The following GNG7 variants were observed in gnomAD, a reference collection of about 807,000 sequenced individuals.
The protein encoded by GNG7 is guanine nucleotide-binding protein G(I)/G(S)/G(O) subunit gamma-7.
Under a neutral mutation model 4.0 loss-of-function variants are expected in GNG7, and 1 was observed. The ratio of observed to expected loss-of-function variants is 0.25; its 90% CI spans 0.09 to 1.18. GNG7 has a LOEUF of 1.18. GNG7 is among the 50% of genes most tolerant of loss of function. GNG7 has a pLI of 0.50. For missense variants in GNG7, 86 were observed against 91.9 expected (o/e 0.94, Z 0.26); for synonymous variants, 34 against 36.9 (o/e 0.92, Z 0.29).
intron 2 of GNG7, among the ~76,000 whole-genome samples, chr19:2,607,802 A>C (rs1351183233): frequency 6.6e-6 from 1 of 151,976 alleles, no homozygotes; most frequent in African/African-American, 2.4e-5. Context: ...CATCGTGGGC[A>C]CTGGGAAGTA....
intron 1 of GNG7, among the ~76,000 whole-genome samples, chr19:2,688,931 G>C (rs1913068134): frequency 6.6e-6 from 1 of 151,952 alleles, no homozygotes; most frequent in African/African-American, 2.4e-5. Flanking sequence ...CAGGCACGGG[G>C]TTGCGTGCCT....
intron 2 of GNG7, chr19:2,630,865 A>G (rs2144842114): frequency 6.6e-6 from 1 of 152,086 alleles, no homozygotes; most frequent in East Asian, 2.0e-4. Flanking sequence ...ACGCAGCCAT[A>G]GCTAGCTAAT....
At chr19:2,517,324 C>T (rs1039919665) in intron 4 of GNG7, among the ~76,000 whole-genome samples, 7 of 151,952 alleles carry the variant, frequency 4.6e-5, no homozygotes, top group Non-Finnish European at 7.4e-5. Context: ...GCTGGGACTA[C>T]GGGAGTGAGC....
chr19:2,604,523 G>T (rs1215319737), intron 2 of GNG7, among the ~76,000 whole-genome samples: 9 of 145,972 alleles, frequency 6.2e-5, no homozygotes, highest in African/African-American at 2.3e-4. Flanking sequence ...GAGGGAGGGA[G>T]GGAGGGAGGG....
At chr19:2,655,856 A>AT in intron 1 of GNG7, among the ~76,000 whole-genome samples, 1 of 143,956 alleles carries the variant, frequency 6.9e-6, no homozygotes, top group African/African-American at 2.6e-5. Flanking sequence ...AAAAAAAAAA[A>AT]AAAATACATA....
At chr19:2,658,089 G>A (rs932661959) in intron 1 of GNG7, among the ~76,000 whole-genome samples, 32 of 152,042 alleles carry the variant, frequency 2.1e-4, no homozygotes, top group African/African-American at 7.7e-4. Context: ...TGGTGGTAGT[G>A]GTCCCCCGGG....
chr19:2,661,302 G>GAAAGAAAGAAAAAGAAAGAAAGAA lies in GNG7; in HGVS notation c.-134-15023_-134-15022insTTCTTTCTTTCTTTTTCTTTCTTT. Among the ~76,000 whole-genome samples the GAAAGAAAGAAAAAGAAAGAAAGAA allele has an allele frequency of 5.6e-4, 41 of 73,120 alleles. 3 individuals carry two copies. The highest frequency in any genetic ancestry group is 1.8e-3 in the African/African-American group (34 of 18,500). The allele number at this position is 73,120 out of a possible 152,430, so 48.0% of individuals were successfully genotyped here. On this transcript the variant is annotated intron_variant, in intron 1 of 4. Coordinates refer to ENST00000382159, the MANE Select transcript of GNG7 (RefSeq NM_052847.3). ...AGAAAGAAAGAAAGAAAGAAAGAAA[G>GAAAGAAAGAAAAAGAAAGAAAGAA]AGAAAGAAAGAAAGAAAGAAAGAAA...
At chr19:2,543,205 C>T (rs1173792087) in intron 3 of GNG7, among the ~76,000 whole-genome samples, 1 of 147,920 alleles carries the variant, frequency 6.8e-6, no homozygotes, top group Non-Finnish European at 1.5e-5. Context: ...ATGTATGAGA[C>T]GCCGTGCCTG....
intron 4 of GNG7, 67 bp downstream of exon 4, chr19:2,520,541 C>T: frequency 1.2e-6 from 1 of 835,344 alleles, no homozygotes; most frequent in Non-Finnish European, 2.0e-6. Flanking sequence ...TGCCGAGCCT[C>T]CTGTTCATCA....
chr19:2,654,713 C>G (rs1333980556), intron 1 of GNG7, among the ~76,000 whole-genome samples: 2 of 101,010 alleles, frequency 2.0e-5, no homozygotes, highest in East Asian at 5.3e-4. Flanking sequence ...GGAGCTTATT[C>G]TGGTGTCTGT....
In GNG7 at chr19:2,653,304, C is replaced by T. The variant is rs528891241; in HGVS notation, c.-134-7024G>A. ...AACAGCCAGACCCTCAGCTCCCAAACCTGGGGATTTGCAACAGACAAACAC... is the reference window on the plus strand; with the variant it reads ...AACAGCCAGACCCTCAGCTCCCAAATCTGGGGATTTGCAACAGACAAACAC... On this transcript the variant is annotated intron_variant, in intron 1 of 4. Transcript: ENST00000382159. This position sits in a 1 kb window ranked among gnomAD's most constrained non-coding sequence, Gnocchi z 4.8. 5.3e-5 allele frequency among the ~76,000 whole-genome samples: 8 copies of T among 152,286 alleles called. No individual in the cohort carries two copies. The East Asian group carries it at 1.5e-3, about 29-fold the overall frequency.
chr19:2,564,075 G>A (rs964473972), intron 2 of GNG7, among the ~76,000 whole-genome samples: 9 of 152,136 alleles, frequency 5.9e-5, no homozygotes, highest in Non-Finnish European at 1.3e-4. Flanking sequence ...AAACAGGAGT[G>A]TAGCTAATTT....
rs1345797137 is a variant in GNG7, at chr19:2,633,959, G to A, written c.-78+12265C>T. ...TGTCTCCTGGGTGCAAAATTGCCCC[G>A]AGTTGAGACCCCCTGGGATAGGGGA... On this transcript the variant is annotated intron_variant, in intron 2 of 4. Coordinates refer to ENST00000382159, the MANE Select transcript of GNG7 (RefSeq NM_052847.3). The surrounding 1 kb of genome is among the most constrained non-coding windows in gnomAD (Gnocchi z 5.9). Among the ~76,000 whole-genome samples, 2 of 151,916 alleles carry A rather than the reference G, an allele frequency of 1.3e-5. No homozygotes were observed. Among genetic ancestry groups the A allele is most frequent in the Non-Finnish European group, 2.9e-5 (2 of 67,950 alleles).
At chr19:2,672,634 T>C (rs1440249229) in intron 1 of GNG7, among the ~76,000 whole-genome samples, 2 of 151,912 alleles carry the variant, frequency 1.3e-5, no homozygotes, top group Non-Finnish European at 2.9e-5. Flanking sequence ...TTAGTAGAGA[T>C]AGGGTTTCAC....
chr19:2,540,909 C>T (rs1230631790), intron 3 of GNG7, among the ~76,000 whole-genome samples: 1 of 152,204 alleles, frequency 6.6e-6, no homozygotes, highest in Non-Finnish European at 1.5e-5. Flanking sequence ...GTGCCACTCC[C>T]GGCTCGATAA....
chr19:2,619,148 A>G (rs1981800198), intron 2 of GNG7, among the ~76,000 whole-genome samples: 1 of 152,234 alleles, frequency 6.6e-6, no homozygotes, highest in Non-Finnish European at 1.5e-5. Flanking sequence ...AAATATCCGT[A>G]AGTAGAAGGC....
Position 2,661,269 on chromosome 19 carries a change from GA to G in GNG7, c.-134-14990del, listed in dbSNP as rs1413481843. Among the ~76,000 whole-genome samples, 173 of 40,918 alleles carry G rather than the reference GA, an allele frequency of 4.2e-3. 2 individuals carry two copies. Among genetic ancestry groups the G allele is most frequent in the African/African-American group, 7.6e-3 (59 of 7,716 alleles). 26.8% of individuals were successfully genotyped at this position (40,918 alleles called of 152,430 possible). ...GAAAAGAAAGAAAGAAAGAAAGAAA[GA>G]AAAGAAAGAAAGAAAGAAAGAAAGA... On this transcript the variant is annotated intron_variant, in intron 1 of 4. Coordinates refer to ENST00000382159, the MANE Select transcript of GNG7 (RefSeq NM_052847.3).
At chr19:2,684,290 C>A (rs1983816867) in intron 1 of GNG7, among the ~76,000 whole-genome samples, 1 of 151,894 alleles carries the variant, frequency 6.6e-6, no homozygotes, top group Non-Finnish European at 1.5e-5. Context: ...GGGTCCGCCA[C>A]CACGCCCGGA....
intron 3 of GNG7, among the ~76,000 whole-genome samples, chr19:2,531,968 G>A (rs1276743245): frequency 6.6e-6 from 1 of 151,772 alleles, no homozygotes; most frequent in Non-Finnish European, 1.5e-5. Context: ...TGGCTGACAC[G>A]GTGAAACCCC....
Sources: allele counts gnomAD v4.1 joint callset (sites outside exome capture counted in the v4.1 genomes callset), GRCh38; gene constraint gnomAD v4.1.1; non-coding constraint Gnocchi (gnomAD v3.1); transcripts MANE v1.5; gene names NCBI Gene and HGNC (gene_info 2026-07-23, HGNC 2026-07-21).